ITGBL1: variants seen among roughly 807,000 people sequenced by gnomAD.
ITGBL1 encodes integrin beta-like protein 1.
A neutral mutation model predicts 68.5 loss-of-function variants in ITGBL1; 51 were observed. That is an observed-to-expected ratio of 0.74 (90% CI 0.59 to 0.94). The LOEUF (loss-of-function observed/expected upper bound fraction) is 0.94, where lower values mean the gene tolerates loss of function less well. Ranked by LOEUF, ITGBL1 falls within the 40% of genes least tolerant of loss-of-function variation. ITGBL1 has a pLI of 0.00. For missense variants in ITGBL1, 649 were observed against 647.4 expected (o/e 1.00, Z -0.03); for synonymous variants, 209 against 227.3 (o/e 0.92, Z 0.72).
At chr13:101,612,363 A>G (rs2031172077) in intron 7 of ITGBL1, among the ~76,000 whole-genome samples, 1 of 152,168 alleles carries the variant, frequency 6.6e-6, no homozygotes, top group South Asian at 2.1e-4. Flanking sequence ...AGAGCCCTGT[A>G]TTGTATAATA....
intron 2 of ITGBL1, chr13:101,489,913 A>G: frequency 7.5e-7 from 1 of 1,327,834 alleles, no homozygotes; most frequent in Non-Finnish European, 1.0e-6. Context: ...GACGGTTGCT[A>G]GCTTTTAGAA....
intron 8 of ITGBL1, among the ~76,000 whole-genome samples, chr13:101,705,360 T>G (rs1186313463): frequency 6.6e-6 from 1 of 150,764 alleles, no homozygotes; most frequent in Non-Finnish European, 1.5e-5. Context: ...CCAGGAGACT[T>G]CTGCTTACCT....
chr13:101,636,601 G>A (rs568122524), intron 7 of ITGBL1, among the ~76,000 whole-genome samples: 17 of 152,118 alleles, frequency 1.1e-4, no homozygotes, highest in South Asian at 4.1e-4. Context: ...ATTGACTTTC[G>A]TTGGAGACAC....
intron 7 of ITGBL1, among the ~76,000 whole-genome samples, chr13:101,619,864 T>G (rs2031514800): frequency 6.6e-6 from 1 of 152,134 alleles, no homozygotes; most frequent in South Asian, 2.1e-4. Flanking sequence ...AGATATGATT[T>G]TCTTCTTGGC....
intron 9 of ITGBL1, 91 bp downstream of exon 9, chr13:101,706,993 C>T: frequency 7.2e-7 from 1 of 1,387,330 alleles, no homozygotes; most frequent in South Asian, 1.3e-5. Flanking sequence ...CCAGACTGAA[C>T]TTTGCATGAA....
intron 2 of ITGBL1, among the ~76,000 whole-genome samples, chr13:101,526,803 T>C (rs141842126): frequency 1.4e-3 from 219 of 152,212 alleles, no homozygotes; most frequent in African/African-American, 4.8e-3. Context: ...TTATGTATTA[T>C]CTGCTTATAA....
intron 2 of ITGBL1, among the ~76,000 whole-genome samples, chr13:101,519,361 A>G (rs2049247172): frequency 6.6e-6 from 1 of 152,096 alleles, no homozygotes; most frequent in South Asian, 2.1e-4. Context: ...GCAAATTAAA[A>G]ACTGAATTTT....
intron 7 of ITGBL1, among the ~76,000 whole-genome samples, chr13:101,658,566 A>T (rs917040346): frequency 5.9e-5 from 9 of 152,142 alleles, no homozygotes; most frequent in African/African-American, 1.7e-4. Context: ...ATGTGTATGC[A>T]TGTATATGCA....
chr13:101,453,829 A>T, intron 1 of ITGBL1, 54 bp from the exon 2 acceptor site: 1 of 1,164,644 alleles, frequency 8.6e-7, no homozygotes, highest in Non-Finnish European at 1.1e-6. Flanking sequence ...GGTTCGGAGC[A>T]GGGGGCGGCG....
chr13:101,570,110 C>T (rs775770363), intron 3 of ITGBL1, among the ~76,000 whole-genome samples: 6 of 152,026 alleles, frequency 3.9e-5, no homozygotes, highest in Non-Finnish European at 8.8e-5. Context: ...AACAGGAATC[C>T]TCCTCTCTCA....
Position 101,527,924 on chromosome 13 carries a change from G to A in ITGBL1, c.317-39775G>A, listed in dbSNP as rs561763435. 7.9e-5 allele frequency among the ~76,000 whole-genome samples: 12 copies of A among 151,858 alleles called. No individual in the cohort carries two copies. In the South Asian group the frequency reaches 2.5e-3, roughly 32 times the overall value. On this transcript the variant is annotated intron_variant, in intron 2 of 10. Transcript: ENST00000376180. Reference sequence around the variant, plus strand: ...ATATATTCTTGATAGGAATCCTTTGGCAGGTATACATATTGCAAGTAATTT... The same window carrying A: ...ATATATTCTTGATAGGAATCCTTTGACAGGTATACATATTGCAAGTAATTT...
intron 7 of ITGBL1, among the ~76,000 whole-genome samples, chr13:101,666,710 G>T (rs1010407639): frequency 1.3e-5 from 2 of 151,994 alleles, no homozygotes; most frequent in Admixed American, 1.3e-4. Flanking sequence ...GCAAAAATAG[G>T]CATTTTAAAC....
intron 8 of ITGBL1, among the ~76,000 whole-genome samples, chr13:101,705,304 AAAAAAC>A (rs1209205810): frequency 2.0e-5 from 3 of 147,366 alleles, no homozygotes; most frequent in African/African-American, 7.6e-5. Flanking sequence ...AAAAAAAAAA[AAAAAAC>A]AACAACAACA....
chr13:101,454,182 G>GGA, intron 2 of ITGBL1, 82 bp downstream of exon 2: 2 of 1,024,350 alleles, frequency 2.0e-6, no homozygotes, highest in Non-Finnish European at 2.7e-6. Flanking sequence ...AAGAGTGAAG[G>GGA]GTGGGGACAC....
intron 7 of ITGBL1, among the ~76,000 whole-genome samples, chr13:101,687,225 A>G (rs2033775017): frequency 6.6e-6 from 1 of 151,930 alleles, no homozygotes; most frequent in South Asian, 2.1e-4. Context: ...CCCATATCTA[A>G]TCGTGTATTT....
chr13:101,715,529 C>A, intron 10 of ITGBL1, 34 bp from the exon 11 acceptor site: 3 of 1,444,224 alleles, frequency 2.1e-6, no homozygotes, highest in Non-Finnish European at 2.9e-6. Flanking sequence ...ACATTTTGAT[C>A]ATAATCATGA....
intron 7 of ITGBL1, among the ~76,000 whole-genome samples, chr13:101,669,104 C>T (rs1387393766): frequency 1.3e-5 from 2 of 150,290 alleles, no homozygotes; most frequent in East Asian, 3.9e-4. Context: ...AGTAAGATAC[C>T]TTTTTCGTTA....
At chr13:101,524,740 A>C (rs2049345447) in intron 2 of ITGBL1, among the ~76,000 whole-genome samples, 2 of 152,012 alleles carry the variant, frequency 1.3e-5, no homozygotes, top group South Asian at 4.1e-4. Flanking sequence ...CTATGAAAAA[A>C]ATGAATACAC....
chr13:101,465,271 G>A (rs1395022973), intron 2 of ITGBL1, among the ~76,000 whole-genome samples: 1 of 152,040 alleles, frequency 6.6e-6, no homozygotes, highest in Non-Finnish European at 1.5e-5. Context: ...GGAGTATTTG[G>A]AAATGTCACC....
Sources: allele counts gnomAD v4.1 joint callset (sites outside exome capture counted in the v4.1 genomes callset), GRCh38; gene constraint gnomAD v4.1.1; transcripts MANE v1.5; gene names NCBI Gene and HGNC (gene_info 2026-07-23, HGNC 2026-07-21).